Variants in CAPZA2 observed in about 807,000 individuals in gnomAD.
CAPZA2 encodes F-actin-capping protein subunit alpha-2.
Under a neutral mutation model 44.0 loss-of-function variants are expected in CAPZA2, and 13 were observed. That is an observed-to-expected ratio of 0.30 (90% CI 0.19 to 0.47). CAPZA2 has a LOEUF of 0.47. CAPZA2 is among the 20% of genes least tolerant of loss of function. The pLI is 1.00. For missense variants in CAPZA2, 244 were observed against 338.6 expected (o/e 0.72, Z 2.19); for synonymous variants, 94 against 108.2 (o/e 0.87, Z 0.81).
chr7:116,870,504 G>A (rs986664372), intron 1 of CAPZA2, among the ~76,000 whole-genome samples: 2 of 152,186 alleles, frequency 1.3e-5, no homozygotes, highest in Admixed American at 6.5e-5. Context: ...TCTCATCAAT[G>A]TTGACAGTTT....
At chr7:116,904,969 TAAAA>T (rs371485695) in intron 5 of CAPZA2, among the ~76,000 whole-genome samples, 5 of 95,602 alleles carry the variant, frequency 5.2e-5, no homozygotes, top group East Asian at 3.3e-4. Flanking sequence ...TGTCTCTACT[TAAAA>T]AAAAAAAAAA....
At chr7:116,906,516 A>G (rs1791515308) in intron 6 of CAPZA2, 174 bp downstream of exon 6, 1 of 1,109,280 alleles carries the variant, frequency 9.0e-7, no homozygotes, top group South Asian at 1.9e-5. Flanking sequence ...CAGCCTAATC[A>G]CTAAAGGTAG....
chr7:116,917,664 T>C lies in CAPZA2; in HGVS notation c.721-63T>C. On this transcript the variant is annotated intron_variant, in intron 9 of 9. Coordinates refer to ENST00000361183, the MANE Select transcript of CAPZA2 (RefSeq NM_006136.3). ...ATAAAACTTATTCTGAAAACATCTATGTGCTTTATAAATTGTTCTGTTCTT... is the reference window on the plus strand; with the variant it reads ...ATAAAACTTATTCTGAAAACATCTACGTGCTTTATAAATTGTTCTGTTCTT... 6 of 1,139,586 alleles carry C rather than the reference T, an allele frequency of 5.3e-6. 1 individual carries two copies. The Admixed American group carries it at 6.8e-5, about 13-fold the overall frequency. The allele number at this position is 1,139,586 out of a possible 1,614,324, so 70.6% of individuals were successfully genotyped here. A position where few individuals can be genotyped will look rare whatever the true frequency, so the allele number is the denominator to read the frequency against.
rs1160781031 is a variant in CAPZA2, at chr7:116,900,689, C to A, written c.219+1854C>A. The stretch of plus-strand genomic sequence containing the variant: ...TGACACATGGGATATAATTAAAGAG[C>A]TTCTGCACAGCAAAGGATACTATCA... On this transcript the variant is annotated intron_variant, in intron 4 of 9. Transcript: ENST00000361183. Among the ~76,000 whole-genome samples the A allele has an allele frequency of 2.0e-5, 3 of 152,174 alleles. No homozygotes were observed. In the Middle Eastern group the frequency reaches 0.01, roughly 518 times the overall value.
intron 1 of CAPZA2, among the ~76,000 whole-genome samples, chr7:116,872,230 G>C (rs1014062616): frequency 3.3e-5 from 5 of 151,892 alleles, no homozygotes; most frequent in Non-Finnish European, 7.4e-5. Context: ...TTTTGTAAGA[G>C]AACATTCTAG....
chr7:116,912,262 G>A, intron 8 of CAPZA2, 122 bp downstream of exon 8: 1 of 1,439,098 alleles, frequency 6.9e-7, no homozygotes, highest in Non-Finnish European at 9.2e-7. Context: ...ATAGATTAAA[G>A]ATAAGTAATT....
intron 1 of CAPZA2, among the ~76,000 whole-genome samples, chr7:116,863,200 A>G (rs1796440646): frequency 6.6e-6 from 1 of 152,098 alleles, no homozygotes; most frequent in Non-Finnish European, 1.5e-5. Context: ...CTGATCCTCT[A>G]CGGTTTATCC....
chr7:116,884,310 A>G (rs909859667), intron 1 of CAPZA2, among the ~76,000 whole-genome samples: 3 of 152,310 alleles, frequency 2.0e-5, no homozygotes, highest in African/African-American at 7.2e-5. Flanking sequence ...GTATAGATCA[A>G]TGTAATCACT....
In CAPZA2 at chr7:116,904,309, G is replaced by A. The variant is rs1791456652; in HGVS notation, c.352G>A (p.Glu118Lys). 6.2e-7 allele frequency: 1 copy of A among 1,613,600 alleles called. No homozygotes were observed. Among genetic ancestry groups the A allele is most frequent in the Non-Finnish European group, 8.5e-7 (1 of 1,179,578 alleles). ...ACCCTGTGAAGTAGAAAATGCAGTT[G>A]AATCATGGAGAACTTCAGTAGAAAC... ...PRPCEVENAV[E>K]SWRTSVETAL... The change falls in exon 5 of 10, where the codon GAA becomes AAA. Residue 118 changes from glutamate (E) to lysine (K), a missense_variant. Physicochemically the swap from Glu to Lys is moderately conservative, Grantham distance 56 (BLOSUM62 1). Transcript: ENST00000361183.
chr7:116,883,232 T>A (rs962371897), intron 1 of CAPZA2, among the ~76,000 whole-genome samples: 7 of 152,202 alleles, frequency 4.6e-5, no homozygotes, highest in Non-Finnish European at 8.8e-5. Flanking sequence ...CATTTGTAAT[T>A]ATTTTCAGAA....
chr7:116,878,613 T>C (rs1156385668), intron 1 of CAPZA2, among the ~76,000 whole-genome samples: 2 of 152,176 alleles, frequency 1.3e-5, no homozygotes, highest in Non-Finnish European at 2.9e-5. Context: ...ATTGCCACCA[T>C]CTTTCTCTCC....
Position 116,917,852 on chromosome 7 carries a change from G to C in CAPZA2, c.846G>C (p.Glu282Asp), listed in dbSNP as rs777049530. 2 of 1,613,304 alleles carry C rather than the reference G, an allele frequency of 1.2e-6. No homozygotes were observed. The highest frequency in any genetic ancestry group is 3.3e-5 in the Admixed American group (2 of 60,020). Residue 282 changes from glutamate to aspartate, a missense_variant, in exon 10 of 10, where the codon GAG becomes GAC. Coordinates refer to ENST00000361183, the MANE Select transcript of CAPZA2 (RefSeq NM_006136.3). Reference protein sequence around the residue: ...NKILSYKIGKEMQNA With the variant: ...NKILSYKIGKDMQNA ...TCCTTAGCTACAAGATTGGCAAAGA[G>C]ATGCAGAATGCATAAGATGAACATT...
intron 4 of CAPZA2, among the ~76,000 whole-genome samples, chr7:116,900,364 T>C (rs1796980429): frequency 2.0e-5 from 3 of 151,528 alleles, no homozygotes; most frequent in Admixed American, 2.0e-4. Flanking sequence ...GATTTATATA[T>C]TTAGGAATAC....
intron 1 of CAPZA2, among the ~76,000 whole-genome samples, chr7:116,868,860 A>T (rs1796514742): frequency 6.6e-6 from 1 of 152,238 alleles, no homozygotes; most frequent in South Asian, 2.1e-4. Context: ...ATAAAGTGTA[A>T]AAACTTCTGT....
At position 116,920,661 on chromosome 7, in the gene CAPZA2, G is replaced by C. The variant is rs1791756396; in HGVS notation, c.*2794G>C. The stretch of plus-strand genomic sequence containing the variant: ...TCAGGAGCTCAGTTTTCTATTCAAA[G>C]GAGAAATATCTCATGTAGCAGTTAG... On this transcript the variant is annotated 3_prime_UTR_variant, in exon 10 of 10. Transcript: ENST00000361183. 6.6e-6 allele frequency: 1 copy of C among 152,210 alleles called. No homozygotes were observed. The highest frequency in any genetic ancestry group is 1.5e-5 in the Non-Finnish European group (1 of 68,060). 9.4% of individuals were successfully genotyped at this position (152,210 alleles called of 1,614,324 possible).
At chr7:116,870,897 G>A (rs1796546478) in intron 1 of CAPZA2, among the ~76,000 whole-genome samples, 1 of 152,208 alleles carries the variant, frequency 6.6e-6, no homozygotes, top group African/African-American at 2.4e-5. Flanking sequence ...AGTAACAACT[G>A]GAGAACACAG....
chr7:116,917,411 TG>T (rs1263932694), intron 9 of CAPZA2, among the ~76,000 whole-genome samples: 1 of 152,108 alleles, frequency 6.6e-6, no homozygotes, highest in Non-Finnish European at 1.5e-5. Context: ...CCCGCCACCA[TG>T]CCCGACTAAT....
chr7:116,874,064 A>T (rs1424333907), intron 1 of CAPZA2: 2 of 153,060 alleles, frequency 1.3e-5, no homozygotes, highest in African/African-American at 4.8e-5. Context: ...AAAGTACTAG[A>T]TGTTTTGCAC....
chr7:116,881,936 G>T (rs73473205), intron 1 of CAPZA2, among the ~76,000 whole-genome samples: 3,330 of 151,910 alleles, frequency 0.022, 125 homozygotes, highest in African/African-American at 0.076. Flanking sequence ...TGATTATTTT[G>T]TAGGCTGTCC....
Sources: allele counts gnomAD v4.1 joint callset (sites outside exome capture counted in the v4.1 genomes callset), GRCh38; gene constraint gnomAD v4.1.1; transcripts MANE v1.5; gene names NCBI Gene and HGNC (gene_info 2026-07-23, HGNC 2026-07-21).